The following SKAP2 variants were observed in gnomAD, a reference collection of about 807,000 sequenced individuals.
SKAP2 encodes the protein src kinase associated phosphoprotein 2, also known as src kinase-associated phosphoprotein 2.
A neutral mutation model predicts 54.9 loss-of-function variants in SKAP2; 28 were observed. That is an observed-to-expected ratio of 0.51 (90% confidence interval 0.38 to 0.70). SKAP2 has a LOEUF of 0.70. Among genes scored for constraint, SKAP2 ranks in the 30% least tolerant of loss-of-function variants. SKAP2 has a pLI of 0.00. For synonymous variants in SKAP2, 137 were observed against 134.3 expected, an observed-to-expected ratio of 1.02 and a Z score of -0.14; for missense variants, 356 against 424.1, an observed-to-expected ratio of 0.84 and a Z score of 1.41.
At chr7:26,763,720 T>C (rs1447889965) in intron 4 of SKAP2, among the ~76,000 whole-genome samples, 1 of 152,188 alleles carries the variant, frequency 6.6e-6, no homozygotes, top group Non-Finnish European at 1.5e-5. Flanking sequence ...TAGGTGATTT[T>C]GTCATTGTAT....
At chr7:26,703,715 G>C (rs1365331202) in intron 9 of SKAP2, among the ~76,000 whole-genome samples, 2 of 152,108 alleles carry the variant, frequency 1.3e-5, no homozygotes, top group Non-Finnish European at 2.9e-5. Context: ...TAGCAGATTT[G>C]TAACAGTGAT....
At chr7:26,707,091 G>T (rs988979597) in intron 9 of SKAP2, among the ~76,000 whole-genome samples, 1 of 152,146 alleles carries the variant, frequency 6.6e-6, no homozygotes, top group Non-Finnish European at 1.5e-5. Context: ...CAGGCACAGT[G>T]GGTCACACCT....
intron 11 of SKAP2, among the ~76,000 whole-genome samples, chr7:26,680,805 G>A (rs1378046753): frequency 6.6e-6 from 1 of 152,088 alleles, no homozygotes; most frequent in African/African-American, 2.4e-5. Context: ...TTGAAGGAGG[G>A]GCTATCTCAG....
chr7:26,728,632 C>A (rs533899366), intron 6 of SKAP2, among the ~76,000 whole-genome samples: 1 of 152,124 alleles, frequency 6.6e-6, no homozygotes, highest in Non-Finnish European at 1.5e-5. Context: ...CAGCACGCAG[C>A]ATTATAGGTT....
At chr7:26,736,398 C>T (rs1418432242) in intron 6 of SKAP2, among the ~76,000 whole-genome samples, 3 of 151,390 alleles carry the variant, frequency 2.0e-5, no homozygotes. Context: ...TTTACAAATG[C>T]CATGGCAACA....
chr7:26,660,428 C>A, the SKAP2 span, among the ~76,000 whole-genome samples: 1 of 151,962 alleles, frequency 6.6e-6, no homozygotes, highest in East Asian at 1.9e-4. Flanking sequence ...AAAATTAAGG[C>A]ACTAAATGCT....
chr7:26,827,256 C>T (rs181308261), intron 4 of SKAP2, among the ~76,000 whole-genome samples: 96 of 152,234 alleles, frequency 6.3e-4, no homozygotes, highest in African/African-American at 2.1e-3. Context: ...TACTTTCTGA[C>T]ATAGTCTTTA....
intron 4 of SKAP2, among the ~76,000 whole-genome samples, chr7:26,796,407 T>C (rs1783781111): frequency 6.6e-6 from 1 of 152,242 alleles, no homozygotes; most frequent in Admixed American, 6.5e-5. Context: ...CAGTAAAAAG[T>C]GATCTCTTGT....
At chr7:26,854,634 G>A (rs1785121807) in intron 2 of SKAP2, 151 bp downstream of exon 2, 6 of 678,504 alleles carry the variant, frequency 8.8e-6, no homozygotes, top group African/African-American at 1.8e-5. Context: ...CTATATAGTG[G>A]AAATATATTT....
intron 11 of SKAP2, among the ~76,000 whole-genome samples, chr7:26,675,099 TG>T (rs1307570155): frequency 6.6e-6 from 1 of 152,196 alleles, no homozygotes; most frequent in African/African-American, 2.4e-5. Context: ...CACCTTGCCC[TG>T]GATTACTGCA....
chr7:26,811,973 T>C (rs1189498671), intron 4 of SKAP2, among the ~76,000 whole-genome samples: 1 of 152,230 alleles, frequency 6.6e-6, no homozygotes, highest in African/African-American at 2.4e-5. Flanking sequence ...AGTCACATCC[T>C]AACTTTGGGA....
chr7:26,793,896 T>G (rs1783717575), intron 4 of SKAP2, among the ~76,000 whole-genome samples: 1 of 152,242 alleles, frequency 6.6e-6, no homozygotes, highest in African/African-American at 2.4e-5. Context: ...AAAATACAAT[T>G]AATTAGCCTG....
At chr7:26,801,026 A>G (rs949683876) in intron 4 of SKAP2, among the ~76,000 whole-genome samples, 1 of 152,158 alleles carries the variant, frequency 6.6e-6, no homozygotes, top group Non-Finnish European at 1.5e-5. Flanking sequence ...CAAAACGAGA[A>G]AAAGACGCAT....
intron 4 of SKAP2, among the ~76,000 whole-genome samples, chr7:26,834,371 C>CA (rs998246845): frequency 2.0e-5 from 3 of 151,704 alleles, no homozygotes; most frequent in Non-Finnish European, 4.4e-5. Context: ...GATAGAGACA[C>CA]AAAAAAACCC....
intron 4 of SKAP2, among the ~76,000 whole-genome samples, chr7:26,800,618 A>G (rs1363443549): frequency 6.6e-6 from 1 of 152,196 alleles, no homozygotes; most frequent in African/African-American, 2.4e-5. Context: ...CACACTAAGA[A>G]AAAGAGAAGA....
intron 9 of SKAP2, among the ~76,000 whole-genome samples, chr7:26,700,098 CAAT>C (rs1238509358): frequency 6.6e-6 from 1 of 152,108 alleles, no homozygotes; most frequent in East Asian, 1.9e-4. Context: ...GTATCCAAAA[CAAT>C]GATGAATAGG....
chr7:26,808,659 A>G (rs475238), intron 4 of SKAP2, among the ~76,000 whole-genome samples: 79,080 of 151,896 alleles, frequency 0.52, 21,232 homozygotes, highest in East Asian at 0.86. Context: ...AAAAAAAGGA[A>G]GGGACAAGCC....
At chr7:26,770,647 T>C (rs1442950804) in intron 4 of SKAP2, among the ~76,000 whole-genome samples, 4 of 152,184 alleles carry the variant, frequency 2.6e-5, no homozygotes, top group Non-Finnish European at 4.4e-5. Context: ...GTATAGTATC[T>C]GGGCCAGAGT....
chr7:26,665,869 C>T (rs1324950826), downstream of SKAP2, among the ~76,000 whole-genome samples: 1 of 152,064 alleles, frequency 6.6e-6, no homozygotes, highest in African/African-American at 2.4e-5. Flanking sequence ...ATATATTAAA[C>T]TTGTATAATA....
Sources: gnomAD v4.1 joint callset for allele counts (sites outside exome capture counted in the v4.1 genomes callset) on GRCh38, gnomAD v4.1.1 for gene constraint, MANE v1.5 for transcripts, NCBI Gene and HGNC (gene_info 2026-07-23, HGNC 2026-07-21) for gene names.